The following HS6ST3 variants were observed in gnomAD, a reference collection of about 807,000 sequenced individuals.
The protein encoded by HS6ST3 is heparan sulfate 6-O-sulfotransferase 3, also known as heparan-sulfate 6-O-sulfotransferase 3.
HS6ST3 carries 12 observed loss-of-function variants against 36.7 expected under a neutral mutation model. The observed-to-expected ratio is 0.33, with a 90% CI of 0.21 to 0.53. HS6ST3 has a LOEUF of 0.53. Ranked by LOEUF, HS6ST3 falls within the 20% of genes least tolerant of loss-of-function variation. HS6ST3 has a pLI of 0.95. For missense variants in HS6ST3, 584 were observed against 640.9 expected, an observed-to-expected ratio of 0.91 and a Z score of 0.96; for synonymous variants, 240 against 257.5, an observed-to-expected ratio of 0.93 and a Z score of 0.65.
intron 1 of HS6ST3, among the ~76,000 whole-genome samples, chr13:96,796,298 G>T (rs1877905276): frequency 1.3e-5 from 2 of 152,016 alleles, no homozygotes; most frequent in Non-Finnish European, 2.9e-5. Context: ...GCGATAAACA[G>T]ATCTTGGCAA....
chr13:96,468,025 C>A (rs2055822671), intron 1 of HS6ST3, among the ~76,000 whole-genome samples: 2 of 152,126 alleles, frequency 1.3e-5, no homozygotes, highest in Admixed American at 6.6e-5. Flanking sequence ...AACCCCCAAT[C>A]CTGGGGGGAA....
intron 1 of HS6ST3, among the ~76,000 whole-genome samples, chr13:96,747,265 C>T (rs1876584136): frequency 6.6e-6 from 1 of 151,926 alleles, no homozygotes; most frequent in South Asian, 2.1e-4. Context: ...CTATATGCTT[C>T]CTAACAAATG....
At chr13:96,185,351 T>C (rs2054260216) in intron 1 of HS6ST3, among the ~76,000 whole-genome samples, 1 of 152,238 alleles carries the variant, frequency 6.6e-6, no homozygotes, top group Non-Finnish European at 1.5e-5. Flanking sequence ...GATGCTTTCT[T>C]ATTTATGCCT....
chr13:96,221,113 A>T (rs1473529618), intron 1 of HS6ST3, among the ~76,000 whole-genome samples: 1 of 152,220 alleles, frequency 6.6e-6, no homozygotes, highest in Non-Finnish European at 1.5e-5. Flanking sequence ...CATAAAAACG[A>T]AAACAAAAGA....
chr13:96,816,708 C>T (rs139979615), intron 1 of HS6ST3, among the ~76,000 whole-genome samples: 111 of 152,286 alleles, frequency 7.3e-4, no homozygotes, highest in African/African-American at 2.6e-3. Flanking sequence ...CAGACCTATG[C>T]TCAACTTTCC....
intron 1 of HS6ST3, among the ~76,000 whole-genome samples, chr13:96,806,209 C>A (rs1878194694): frequency 6.6e-6 from 1 of 152,156 alleles, no homozygotes; most frequent in African/African-American, 2.4e-5. Context: ...CAGAGAATAT[C>A]CTTGGGCAGG....
intron 1 of HS6ST3, among the ~76,000 whole-genome samples, chr13:96,135,815 G>T (rs2053998929): frequency 6.6e-6 from 1 of 152,176 alleles, no homozygotes; most frequent in African/African-American, 2.4e-5. Context: ...GGATGGCTCA[G>T]TGGTAGCAGG....
intron 1 of HS6ST3, among the ~76,000 whole-genome samples, chr13:96,533,553 C>T (rs1594801380): frequency 1.3e-5 from 2 of 152,304 alleles, no homozygotes; most frequent in East Asian, 3.9e-4. Context: ...GAACACGTGG[C>T]ATCCATCATT....
At chr13:96,653,118 A>G (rs904876686) in intron 1 of HS6ST3, among the ~76,000 whole-genome samples, 1 of 152,046 alleles carries the variant, frequency 6.6e-6, no homozygotes, top group African/African-American at 2.4e-5. Context: ...ACTTCACTGT[A>G]TTATTCAGCT....
intron 1 of HS6ST3, among the ~76,000 whole-genome samples, chr13:96,403,725 G>T (rs1323602797): frequency 2.0e-5 from 3 of 152,200 alleles, no homozygotes; most frequent in Non-Finnish European, 4.4e-5. Flanking sequence ...CATCTTCTAT[G>T]TACAACAATA....
intron 1 of HS6ST3, among the ~76,000 whole-genome samples, chr13:96,706,413 TTATATATATATATA>T (rs3052119): frequency 0.063 from 7,684 of 121,026 alleles, 299 homozygotes; most frequent in Middle Eastern, 0.082. Context: ...AGAATATATT[TTATATATATATATA>T]TATATATATA....
intron 1 of HS6ST3, among the ~76,000 whole-genome samples, chr13:96,201,853 G>C (rs913731496): frequency 6.6e-6 from 1 of 152,170 alleles, no homozygotes; most frequent in South Asian, 2.1e-4. Context: ...TGTTGCAAGT[G>C]TAGAAAATAC....
At chr13:96,407,095 G>A (rs1429901719) in intron 1 of HS6ST3, among the ~76,000 whole-genome samples, 3 of 152,118 alleles carry the variant, frequency 2.0e-5, no homozygotes, top group African/African-American at 4.8e-5. Flanking sequence ...TAAATCCTGG[G>A]AATATCTTTG....
intron 1 of HS6ST3, among the ~76,000 whole-genome samples, chr13:96,746,264 G>T (rs991170108): frequency 6.6e-6 from 1 of 151,978 alleles, no homozygotes; most frequent in East Asian, 1.9e-4. Flanking sequence ...AGCTTAAAAA[G>T]GTTAAGTAAC....
intron 1 of HS6ST3, among the ~76,000 whole-genome samples, chr13:96,218,673 G>A (rs1258764809): frequency 1.3e-5 from 2 of 152,080 alleles, no homozygotes; most frequent in East Asian, 3.9e-4. Context: ...GTGAAGGTAT[G>A]TGCTGAAGGG....
chr13:96,833,029 A>G lies in HS6ST3; in HGVS notation c.1247A>G (p.Gln416Arg), dbSNP rs776169163. The change falls in exon 2 of 2, where the codon CAG becomes CGG. Residue 416 changes from glutamine (Q) to arginine (R), a missense_variant. Physicochemically the swap from Gln to Arg is conservative, Grantham distance 43 (BLOSUM62 1). This residue lies in a region of HS6ST3 where 360 missense variants were observed against 411.3 expected (regional missense o/e 0.88). Transcript: ENST00000376705. ...QLYEYAKDLF[Q>R]QRYHHTKQLE... Reference sequence around the variant, plus strand: ...TACGAGTATGCAAAAGATCTCTTCCAGCAGCGCTACCACCACACCAAGCAG... The same window carrying G: ...TACGAGTATGCAAAAGATCTCTTCCGGCAGCGCTACCACCACACCAAGCAG... The G allele has an allele frequency of 6.2e-7, 1 of 1,613,932 alleles. No homozygotes were observed. The highest frequency in any genetic ancestry group is 8.5e-7 in the Non-Finnish European group (1 of 1,180,018).
chr13:96,435,039 C>T (rs896446640), intron 1 of HS6ST3, among the ~76,000 whole-genome samples: 4 of 151,930 alleles, frequency 2.6e-5, no homozygotes, highest in African/African-American at 9.7e-5. Context: ...ACTACCTATC[C>T]TCAACCCCAG....
intron 1 of HS6ST3, among the ~76,000 whole-genome samples, chr13:96,684,792 A>C (rs933140777): frequency 5.9e-5 from 9 of 152,110 alleles, no homozygotes; most frequent in African/African-American, 1.9e-4. Flanking sequence ...TCACAGTGGC[A>C]TATGACAGCA....
intron 1 of HS6ST3, among the ~76,000 whole-genome samples, chr13:96,111,321 A>G (rs1302516098): frequency 6.6e-6 from 1 of 152,254 alleles, no homozygotes; most frequent in East Asian, 1.9e-4. Context: ...CTAACTGCCT[A>G]CTTCCAAAGA....
Sources: allele counts gnomAD v4.1 joint callset (sites outside exome capture counted in the v4.1 genomes callset), GRCh38; gene constraint gnomAD v4.1.1; regional missense constraint gnomAD v4.1.1; transcripts MANE v1.5; gene names NCBI Gene and HGNC (gene_info 2026-07-23, HGNC 2026-07-21).